PCSK5: variants seen among roughly 807,000 people sequenced by gnomAD.
PCSK5 encodes the protein prohormone convertase 5.
A neutral mutation model predicts 233.2 loss-of-function variants in PCSK5; 129 were observed. The ratio of observed to expected loss-of-function variants is 0.55; its 90% CI spans 0.48 to 0.64. The LOEUF is 0.64. Ranked by LOEUF, PCSK5 falls within the 30% of genes least tolerant of loss-of-function variation. PCSK5 has a pLI of 0.00. For missense variants in PCSK5, 2,076 were observed against 2,430.1 expected, an observed-to-expected ratio of 0.85 and a Z score of 3.06; for synonymous variants, 825 against 879.2, an observed-to-expected ratio of 0.94 and a Z score of 1.09.
chr9:76,191,955 T>A (rs1288443448), intron 20 of PCSK5, among the ~76,000 whole-genome samples: 1 of 37,926 alleles, frequency 2.6e-5, no homozygotes, highest in Non-Finnish European at 4.8e-5. Flanking sequence ...AGCACGTACC[T>A]GTAATCCCAG....
rs761607993 is a variant in PCSK5, at chr9:76,295,260, G to A, written c.3186-15G>A. On this transcript the variant is annotated splice_polypyrimidine_tract_variant and intron_variant, in intron 25 of 37. Transcript: ENST00000674117. ...CAACATAAGTCATGAAAGAAATGATGTCTTCTTCCTCTAGGTTTGATCACC... is the reference window on the plus strand; with the variant it reads ...CAACATAAGTCATGAAAGAAATGATATCTTCTTCCTCTAGGTTTGATCACC... 1.2e-6 allele frequency: 2 copies of A among 1,603,410 alleles called. No individual in the cohort carries two copies. The highest frequency in any genetic ancestry group is 2.2e-5 in the South Asian group (2 of 89,454).
intron 14 of PCSK5, among the ~76,000 whole-genome samples, chr9:76,178,500 T>C (rs552739456): frequency 6.6e-6 from 1 of 152,322 alleles, no homozygotes; most frequent in South Asian, 2.1e-4. Flanking sequence ...ATCAGTAAAA[T>C]GAGGGTATTT....
In PCSK5 at chr9:75,976,311, C is replaced by G. The variant is rs189874580; in HGVS notation, c.298-9821C>G. Among the ~76,000 whole-genome samples, 961 of 104,210 alleles carry G rather than the reference C, an allele frequency of 9.2e-3. 6 individuals carry two copies. The highest frequency in any genetic ancestry group is 0.047 in the Middle Eastern group (8 of 170). The allele number at this position is 104,210 out of a possible 152,430, so 68.4% of individuals were successfully genotyped here. On this transcript the variant is annotated intron_variant, in intron 2 of 37. Coordinates refer to ENST00000674117, the MANE Select transcript of PCSK5 (RefSeq NM_001372043.1). ...ACACACACACACACACACACACACA[C>G]ACACACACACACCTTTTTCTCTCTT...
intron 3 of PCSK5, among the ~76,000 whole-genome samples, chr9:76,002,503 G>T (rs1164756829): frequency 6.6e-6 from 1 of 152,128 alleles, no homozygotes; most frequent in Non-Finnish European, 1.5e-5. Flanking sequence ...ATACTGATAA[G>T]AACAAACGTA....
intron 24 of PCSK5, among the ~76,000 whole-genome samples, chr9:76,250,958 T>C (rs1398175171): frequency 6.6e-6 from 1 of 152,246 alleles, no homozygotes; most frequent in South Asian, 2.1e-4. Context: ...ATGAAAATTG[T>C]ATTTCAATCA....
intron 20 of PCSK5, among the ~76,000 whole-genome samples, chr9:76,191,542 C>G (rs1824377203): frequency 2.0e-5 from 3 of 152,174 alleles, no homozygotes; most frequent in Admixed American, 2.0e-4. Context: ...TGATTGATAG[C>G]ACTGATAGGA....
At chr9:76,197,841 A>C (rs543222895) in intron 20 of PCSK5, among the ~76,000 whole-genome samples, 1 of 152,322 alleles carries the variant, frequency 6.6e-6, no homozygotes, top group South Asian at 2.1e-4. Flanking sequence ...TCTGGTGAAC[A>C]TCCCTTTCTA....
intron 32 of PCSK5, 72 bp from the exon 33 acceptor site, chr9:76,327,937 C>T: frequency 1.1e-6 from 1 of 911,846 alleles, no homozygotes; most frequent in Non-Finnish European, 1.8e-6. Flanking sequence ...GACCCTTTCC[C>T]AGGGGAAGCC....
chr9:76,040,371 C>CTG (rs1563988577), intron 5 of PCSK5, among the ~76,000 whole-genome samples: 848 of 62,316 alleles, frequency 0.014, 9 homozygotes, highest in East Asian at 0.08. Flanking sequence ...CTCTCTCTCT[C>CTG]TCTCTCTCTC....
At chr9:76,302,266 T>G in intron 28 of PCSK5, 49 bp downstream of exon 28, 5 of 850,392 alleles carry the variant, frequency 5.9e-6, no homozygotes, top group African/African-American at 1.8e-5. Flanking sequence ...AGACTATCTC[T>G]GGAGATGGTC....
At chr9:76,281,509 T>C (rs868445631) in intron 24 of PCSK5, among the ~76,000 whole-genome samples, 8 of 149,750 alleles carry the variant, frequency 5.3e-5, no homozygotes, top group Non-Finnish European at 8.9e-5. Flanking sequence ...GACAAAAGAG[T>C]TTTCAAACTA....
chr9:76,355,405 A>G (rs548107923), intron 37 of PCSK5, among the ~76,000 whole-genome samples: 133 of 152,258 alleles, frequency 8.7e-4, no homozygotes, highest in Non-Finnish European at 1.4e-3. Flanking sequence ...CCCGGGAGGC[A>G]GAGCTCGCAG....
chr9:75,950,653 A>G (rs1342860470), intron 2 of PCSK5, among the ~76,000 whole-genome samples: 2 of 152,172 alleles, frequency 1.3e-5, no homozygotes, highest in African/African-American at 4.8e-5. Context: ...AGATTTTGTC[A>G]CCACCAGGCC....
intron 10 of PCSK5, among the ~76,000 whole-genome samples, chr9:76,155,417 G>A (rs1322525979): frequency 6.6e-6 from 1 of 152,154 alleles, no homozygotes; most frequent in Non-Finnish European, 1.5e-5. Flanking sequence ...TCCTCTATGT[G>A]CATCAAGTTC....
At chr9:76,096,219 GT>G (rs1831508331) in intron 8 of PCSK5, 117 bp downstream of exon 8, 3 of 593,414 alleles carry the variant, frequency 5.1e-6, no homozygotes, top group Non-Finnish European at 8.6e-6. Context: ...ACACACAGAA[GT>G]AATATATGGA....
At chr9:76,323,671 G>A (rs1829275550) in intron 32 of PCSK5, among the ~76,000 whole-genome samples, 1 of 152,108 alleles carries the variant, frequency 6.6e-6, no homozygotes, top group Non-Finnish European at 1.5e-5. Context: ...CACTCAAGGA[G>A]GCATATTTTG....
At chr9:76,342,695 G>GT (rs1169408936) in intron 35 of PCSK5, among the ~76,000 whole-genome samples, 1 of 152,092 alleles carries the variant, frequency 6.6e-6, no homozygotes, top group Admixed American at 6.6e-5. Context: ...CTGAGCTCCG[G>GT]TTCCATACAT....
chr9:76,250,434 T>TGTGATAAAGGGAAACATC (rs1164334951), intron 24 of PCSK5, among the ~76,000 whole-genome samples: 1 of 152,196 alleles, frequency 6.6e-6, no homozygotes, highest in Non-Finnish European at 1.5e-5. Flanking sequence ...ACGTCATACA[T>TGTGATAAAGGGAAACATC]GTGATAAAGG....
At chr9:75,912,759 C>G (rs1441676470) in intron 1 of PCSK5, among the ~76,000 whole-genome samples, 1 of 152,190 alleles carries the variant, frequency 6.6e-6, no homozygotes, top group African/African-American at 2.4e-5. Context: ...TGACTCTAGT[C>G]TGTAGTGTGG....
Sources: gnomAD v4.1 joint callset for allele counts (sites outside exome capture counted in the v4.1 genomes callset) on GRCh38, gnomAD v4.1.1 for gene constraint, MANE v1.5 for transcripts, NCBI Gene and HGNC (gene_info 2026-07-23, HGNC 2026-07-21) for gene names.